The following ZNF136 variants were observed in gnomAD, a reference collection of about 807,000 sequenced individuals.
ZNF136 encodes the protein zinc finger protein 136.
ZNF136 carries 8 observed loss-of-function variants against 11.4 expected under a neutral mutation model. That is an observed-to-expected ratio of 0.70 (90% CI 0.41 to 1.27). The LOEUF is 1.27. Ranked by LOEUF, ZNF136 falls within the 50% of genes most tolerant of loss-of-function variation. The pLI is 0.01. For synonymous variants in ZNF136, 190 were observed against 207.1 expected (o/e 0.92, Z 0.71); for missense variants, 590 against 656.5 (o/e 0.90, Z 1.11).
chr19:12,170,583 T>C (rs1914628930), intron 1 of ZNF136, among the ~76,000 whole-genome samples: 2 of 152,022 alleles, frequency 1.3e-5, no homozygotes, highest in African/African-American at 2.4e-5. Context: ...AGATGGGGTC[T>C]TGCCATGTTG....
intron 1 of ZNF136, among the ~76,000 whole-genome samples, chr19:12,178,033 G>C (rs1170528773): frequency 6.6e-6 from 1 of 152,164 alleles, no homozygotes; most frequent in African/African-American, 2.4e-5. Flanking sequence ...CTTGAGCCTG[G>C]GAGGCAGAGG....
At chr19:12,170,137 C>A (rs898926587) in intron 1 of ZNF136, among the ~76,000 whole-genome samples, 1 of 148,730 alleles carries the variant, frequency 6.7e-6, no homozygotes, top group African/African-American at 2.4e-5. Flanking sequence ...GCTGTGTTAG[C>A]CAGGGTGGTC....
At chr19:12,177,433 C>T (rs1914829270) in intron 1 of ZNF136, among the ~76,000 whole-genome samples, 1 of 152,212 alleles carries the variant, frequency 6.6e-6, no homozygotes, top group Non-Finnish European at 1.5e-5. Flanking sequence ...ACCTCTACCT[C>T]CCGGGTCCCA....
chr19:12,176,768 G>A (rs1019889882), intron 1 of ZNF136, among the ~76,000 whole-genome samples: 1 of 152,216 alleles, frequency 6.6e-6, no homozygotes, highest in Admixed American at 6.5e-5. Context: ...CAGTGTGTCA[G>A]ATGGTGCTTA....
At chr19:12,185,079 A>C (rs1915048930) in intron 1 of ZNF136, 1 of 152,394 alleles carries the variant, frequency 6.6e-6, no homozygotes, top group East Asian at 1.9e-4. Flanking sequence ...CAGTACACCC[A>C]GAGTCAGCAA....
intron 1 of ZNF136, among the ~76,000 whole-genome samples, chr19:12,170,015 C>T (rs898211741): frequency 1.3e-4 from 19 of 149,628 alleles, no homozygotes; most frequent in Admixed American, 4.8e-4. Flanking sequence ...AGGGTGGTCT[C>T]GATCTCCTGA....
intron 1 of ZNF136, among the ~76,000 whole-genome samples, chr19:12,182,310 T>G (rs1180789199): frequency 6.6e-6 from 1 of 152,244 alleles, no homozygotes; most frequent in Non-Finnish European, 1.5e-5. Context: ...GGTTCCCCTT[T>G]GGAAACTTTG....
At chr19:12,170,084 ACGCCCGGC>A (rs1914611230) in intron 1 of ZNF136, among the ~76,000 whole-genome samples, 1 of 126,940 alleles carries the variant, frequency 7.9e-6, no homozygotes, top group African/African-American at 2.7e-5. Context: ...GTGAGCCACC[ACGCCCGGC>A]CATTTTTTTG....
At chr19:12,180,127 A>G (rs1325449911) in intron 1 of ZNF136, among the ~76,000 whole-genome samples, 2 of 152,100 alleles carry the variant, frequency 1.3e-5, no homozygotes, top group African/African-American at 2.4e-5. Context: ...CGGTCTCCCA[A>G]AGTGCTGGGA....
intron 1 of ZNF136, among the ~76,000 whole-genome samples, chr19:12,179,302 T>G (rs934190972): frequency 1.3e-5 from 2 of 151,666 alleles, no homozygotes; most frequent in African/African-American, 4.8e-5. Flanking sequence ...CAAAAGAATT[T>G]CTTTTTTTTT....
chr19:12,165,565 C>G (rs556584519), intron 1 of ZNF136, among the ~76,000 whole-genome samples: 1 of 152,120 alleles, frequency 6.6e-6, no homozygotes, highest in Admixed American at 6.5e-5. Flanking sequence ...GAGTAATTAT[C>G]TGCATGATAT....
Position 12,164,439 on chromosome 19 carries a change from C to CTTTTT in ZNF136, c.3+1252_3+1256dup, listed in dbSNP as rs61233117. 3.1e-3 allele frequency among the ~76,000 whole-genome samples: 381 copies of CTTTTT among 122,822 alleles called. 9 individuals are homozygous for CTTTTT. Among genetic ancestry groups the CTTTTT allele is most frequent in the African/African-American group, 0.012 (369 of 31,212 alleles). The allele number at this position is 122,822 out of a possible 152,430, so 80.6% of individuals were successfully genotyped here. ...GTTTTGCGCCACCACTCCCAGATAA[C>CTTTTT]TTTTTTTTTTTTTTTTTTTTTTTGA... On this transcript the variant is annotated intron_variant, in intron 1 of 3. Transcript: ENST00000343979.
intron 1 of ZNF136, among the ~76,000 whole-genome samples, chr19:12,170,046 G>A (rs1003485485): frequency 5.4e-5 from 8 of 148,666 alleles, no homozygotes; most frequent in Admixed American, 4.8e-4. Flanking sequence ...TGCCCACCTT[G>A]GCCTCCCAAA....
In ZNF136 at chr19:12,189,128, C is replaced by A. The variant is rs1187827053; in HGVS notation, c.*1127C>A. On this transcript the variant is annotated 3_prime_UTR_variant, in exon 4 of 4. Coordinates refer to ENST00000343979, the MANE Select transcript of ZNF136 (RefSeq NM_003437.5). ...CTTTCCATTTTGAAATGTGTTTAAT[C>A]CAACAATGAATTTAAATGTGTTTCT... The A allele has an allele frequency of 6.6e-6, 1 of 152,008 alleles. No individual in the cohort carries two copies. The highest frequency in any genetic ancestry group is 1.5e-5 in the Non-Finnish European group (1 of 68,000). The allele number at this position is 152,008 out of a possible 1,614,324, so 9.4% of individuals were successfully genotyped here. A position where few individuals can be genotyped will look rare whatever the true frequency, so the allele number is the denominator to read the frequency against.
chr19:12,178,988 C>T (rs1396429423), intron 1 of ZNF136, among the ~76,000 whole-genome samples: 1 of 141,640 alleles, frequency 7.1e-6, no homozygotes, highest in Non-Finnish European at 1.5e-5. Flanking sequence ...GACTCTGTCT[C>T]ACAAAAGAAA....
intron 1 of ZNF136, among the ~76,000 whole-genome samples, chr19:12,169,734 G>C (rs895265339): frequency 1.4e-5 from 2 of 145,870 alleles, no homozygotes; most frequent in African/African-American, 5.1e-5. Flanking sequence ...TCAGCCTACC[G>C]AGTAGCTGGG....
At chr19:12,185,664 C>T in intron 1 of ZNF136, 121 bp from the exon 2 acceptor site, 1 of 1,323,276 alleles carries the variant, frequency 7.6e-7, no homozygotes, top group Non-Finnish European at 1.0e-6. Context: ...GTATGATGAC[C>T]AAACAGTGGA....
In ZNF136 at chr19:12,163,222, C is replaced by A. The variant is rs201182026; in HGVS notation, c.3+16C>A. On this transcript the variant is annotated intron_variant, in intron 1 of 3. Transcript: ENST00000343979. ...TCAGGAAATGGTGAGTGTGTCGGGC[C>A]CTGCGTCCCGAGACAGGGAGGAGGG... 3 of 1,384,146 alleles carry A rather than the reference C, an allele frequency of 2.2e-6. No homozygotes were observed. In the Admixed American group the frequency reaches 8.8e-5, roughly 40 times the overall value. The allele number at this position is 1,384,146 out of a possible 1,614,324, so 85.7% of individuals were successfully genotyped here. A position where few individuals can be genotyped will look rare whatever the true frequency, so the allele number is the denominator to read the frequency against.
At chr19:12,184,571 A>T (rs1424015697) in intron 1 of ZNF136, 1 of 152,104 alleles carries the variant, frequency 6.6e-6, no homozygotes, top group East Asian at 1.9e-4. Context: ...AAAAAAAAAA[A>T]AAGGTAAAAA....
Sources: allele counts gnomAD v4.1 joint callset (sites outside exome capture counted in the v4.1 genomes callset), GRCh38; gene constraint gnomAD v4.1.1; transcripts MANE v1.5; gene names NCBI Gene and HGNC (gene_info 2026-07-23, HGNC 2026-07-21).